The following SLTM variants were observed in gnomAD, a reference collection of about 807,000 sequenced individuals.
The protein encoded by SLTM is SAFB-like transcription modulator.
In SLTM, 43 loss-of-function variants were observed where a neutral mutation model predicts 134.6. That is an observed-to-expected ratio of 0.32 (90% CI 0.25 to 0.41). The LOEUF (loss-of-function observed/expected upper bound fraction) is 0.41, where lower values mean the gene tolerates loss of function less well. SLTM is among the 10% of genes least tolerant of loss of function. The pLI is 1.00. For synonymous variants in SLTM, 424 were observed against 432.3 expected, an observed-to-expected ratio of 0.98 and a Z score of 0.24; for missense variants, 1,055 against 1,288.8, an observed-to-expected ratio of 0.82 and a Z score of 2.78.
At chr15:58,928,276 A>G (rs2037624537) in intron 2 of SLTM, among the ~76,000 whole-genome samples, 1 of 152,192 alleles carries the variant, frequency 6.6e-6, no homozygotes, top group Non-Finnish European at 1.5e-5. Context: ...TTAAATCTAT[A>G]ATCTCTAAAA....
At chr15:58,911,742 G>T (rs749389868) in intron 5 of SLTM, among the ~76,000 whole-genome samples, 2 of 152,150 alleles carry the variant, frequency 1.3e-5, no homozygotes, top group Non-Finnish European at 2.9e-5. Context: ...TACACTATGT[G>T]TATCACATAT....
intron 14 of SLTM, among the ~76,000 whole-genome samples, chr15:58,892,419 T>G (rs1395696722): frequency 6.6e-6 from 1 of 152,190 alleles, no homozygotes; most frequent in Non-Finnish European, 1.5e-5. Context: ...AACAATAAAT[T>G]TTTGCTAAAT....
In SLTM at chr15:58,926,153, T is replaced by A. The variant is rs139422616; in HGVS notation, c.250+6203A>T. ...GGGAGTGAAAGCCTGCTATCTGTAT[T>A]TTTTAAAATTCAAATGACTAACGCA... On this transcript the variant is annotated intron_variant, in intron 2 of 20. Coordinates refer to ENST00000380516, the MANE Select transcript of SLTM (RefSeq NM_024755.4). Among the ~76,000 whole-genome samples, 835 of 152,296 alleles carry A rather than the reference T, an allele frequency of 5.5e-3. 6 individuals are homozygous for A. The highest frequency in any genetic ancestry group is 0.019 in the African/African-American group (801 of 41,554).
Position 58,899,324 on chromosome 15 carries a change from T to C in SLTM, c.1058+145A>G. On this transcript the variant is annotated intron_variant, in intron 7 of 20. Coordinates refer to ENST00000380516, the MANE Select transcript of SLTM (RefSeq NM_024755.4). This position sits in a 1 kb window ranked among gnomAD's most constrained non-coding sequence, Gnocchi z 5.0. The stretch of plus-strand genomic sequence containing the variant: ...TGAAGATCTTGAAAATTTTTAAAAG[T>C]AACTTATGACGGTCAAAAATATTAT... 1.8e-5 allele frequency: 12 copies of C among 671,502 alleles called. No homozygotes were observed. In the South Asian group the frequency reaches 2.5e-4, roughly 14 times the overall value. 41.6% of individuals were successfully genotyped at this position (671,502 alleles called of 1,614,324 possible).
chr15:58,914,480 C>T (rs60836118), intron 3 of SLTM, among the ~76,000 whole-genome samples: 12,114 of 152,160 alleles, frequency 0.08, 579 homozygotes, highest in East Asian at 0.17. Context: ...AAATTTCTAT[C>T]GAGAGGTGGG....
chr15:58,919,932 T>G (rs1341679223), intron 2 of SLTM, among the ~76,000 whole-genome samples: 2 of 152,182 alleles, frequency 1.3e-5, no homozygotes, highest in East Asian at 3.9e-4. Flanking sequence ...AAGCCAGGAT[T>G]TCGTGACCAA....
chr15:58,879,573 TAGAC>T lies in SLTM; in HGVS notation c.*422_*425del, dbSNP rs2033532207. On this transcript the variant is annotated 3_prime_UTR_variant, in exon 21 of 21. Transcript: ENST00000380516. ...ATGAACAATCTTATTCTCTAAAAAT[TAGAC>T]AGCTAAGACTTCTTAAGTGTAGACA... The T allele has an allele frequency of 6.5e-6, 1 of 154,470 alleles. No individual in the cohort carries two copies. The highest frequency in any genetic ancestry group is 1.4e-5 in the Non-Finnish European group (1 of 69,356). The allele number at this position is 154,470 out of a possible 1,614,324, so 9.6% of individuals were successfully genotyped here.
Position 58,932,383 on chromosome 15 carries a change from G to C in SLTM, c.223C>G (p.Pro75Ala), listed in dbSNP as rs753684222. The change falls in exon 2 of 21, where the codon CCA (proline) becomes GCA (alanine). Residue 75 changes from proline to alanine, a missense_variant. This residue lies in a region of SLTM where 268 missense variants were observed against 284.3 expected (regional missense o/e 0.94). Coordinates refer to ENST00000380516, the MANE Select transcript of SLTM (RefSeq NM_024755.4). ...TTGCCTTTAGTTGGTTTCTTGTTTG[G>C]AGTATCAGTTGAAACAGTTAATTCA... ...NIELTVSTDT[P>A]NKKPTKGKGK... 20 of 1,613,272 alleles carry C rather than the reference G, an allele frequency of 1.2e-5. No homozygotes were observed. Among genetic ancestry groups the C allele is most frequent in the Non-Finnish European group, 1.6e-5 (19 of 1,179,436 alleles).
chr15:58,923,153 T>G (rs1458243327), intron 2 of SLTM, among the ~76,000 whole-genome samples: 1 of 151,934 alleles, frequency 6.6e-6, no homozygotes, highest in East Asian at 1.9e-4. Context: ...AGGTCAGAAG[T>G]TCAAGACTAG....
intron 20 of SLTM, 107 bp from the exon 21 acceptor site, chr15:58,880,214 T>G (rs2033585969): frequency 7.0e-7 from 1 of 1,418,814 alleles, no homozygotes; most frequent in Admixed American, 2.4e-5. Flanking sequence ...TCATTTACTC[T>G]TTTCAACAGT....
chr15:58,889,615 C>A lies in SLTM; in HGVS notation c.2080-61G>T. 6 of 1,596,038 alleles carry A rather than the reference C, an allele frequency of 3.8e-6. No individual in the cohort carries two copies. In the South Asian group the frequency reaches 6.8e-5, roughly 18 times the overall value. On this transcript the variant is annotated intron_variant, in intron 15 of 20. Coordinates refer to ENST00000380516, the MANE Select transcript of SLTM (RefSeq NM_024755.4). ...AAAATGAAAACATAAGATAAGTATA[C>A]ATGCAACCTTGTTTTAATCCTGTTG...
Position 58,883,050 on chromosome 15 carries a change from C to A in SLTM, c.2996+576G>T, listed in dbSNP as rs184760809. ...ATTATCTAGACTGAGTGCAGTGGCT[C>A]CCGCCTGTAATCTCAGCACTTTGGG... On this transcript the variant is annotated intron_variant, in intron 20 of 20. Transcript: ENST00000380516. Among the ~76,000 whole-genome samples the A allele has an allele frequency of 1.2e-3, 176 of 152,332 alleles. 1 individual carries two copies. Among genetic ancestry groups the A allele is most frequent in the African/African-American group, 4.0e-3 (168 of 41,572 alleles).
At chr15:58,893,484 T>C (rs1269333592) in intron 12 of SLTM, 120 bp from the exon 13 acceptor site, 13 of 697,360 alleles carry the variant, frequency 1.9e-5, no homozygotes, top group Admixed American at 6.4e-5. Context: ...AAAAACTACT[T>C]ATTCTACAAG....
chr15:58,900,971 G>A (rs954295162), intron 6 of SLTM: 14 of 304,184 alleles, frequency 4.6e-5, no homozygotes, highest in Admixed American at 2.5e-4. Flanking sequence ...TCAACTTACC[G>A]TATACCAGAA....
Position 58,912,582 on chromosome 15 carries a change from TCATCTTCA to T in SLTM, c.534_541del (p.Glu179TyrfsTer9). The T allele has an allele frequency of 6.2e-7, 1 of 1,611,802 alleles. No individual in the cohort carries two copies. The highest frequency in any genetic ancestry group is 8.5e-7 in the Non-Finnish European group (1 of 1,178,770). ...ACTTACTTGGGCTGTTAGAAAGGTA[TCATCTTCA>T]CCTTCTTGAGCTTCAATTTCCTAAG... On this transcript the variant is annotated frameshift_variant, in exon 5 of 21. Coordinates refer to ENST00000380516, the MANE Select transcript of SLTM (RefSeq NM_024755.4). LOFTEE classifies it high-confidence loss of function.
chr15:58,916,304 G>A (rs1179731751), intron 3 of SLTM, among the ~76,000 whole-genome samples: 12 of 151,754 alleles, frequency 7.9e-5, no homozygotes, highest in Non-Finnish European at 1.3e-4. Context: ...CTCTCAAGTA[G>A]TTGGGATTAC....
chr15:58,898,844 T>C lies in SLTM; in HGVS notation c.1067A>G (p.Lys356Arg). 1 of 1,608,480 alleles carries C rather than the reference T, an allele frequency of 6.2e-7. No homozygotes were observed. Among genetic ancestry groups the C allele is most frequent in the East Asian group, 2.2e-5 (1 of 44,650 alleles). Residue 356 changes from lysine to arginine, a missense_variant, in exon 8 of 21, where the codon AAG (lysine) becomes AGG (arginine). Lys to Arg is a conservative substitution (Grantham distance 26, BLOSUM62 2). Around this residue, in one of 3 missense-constraint regions of SLTM, gnomAD observed 776 missense variants for 962.2 expected, o/e 0.81. Coordinates refer to ENST00000380516, the MANE Select transcript of SLTM (RefSeq NM_024755.4). ...TGATGTCTTGCTGTCTTTAGATTCCTTTGAAGAGCTAAAGAGGCAAATCAC... is the reference window on the plus strand; with the variant it reads ...TGATGTCTTGCTGTCTTTAGATTCCCTTGAAGAGCTAAAGAGGCAAATCAC... ...GASGQAKSSS[K>R]ESKDSKTSSK...
chr15:58,912,476 T>C, intron 5 of SLTM, 87 bp downstream of exon 5: 1 of 1,110,144 alleles, frequency 9.0e-7, no homozygotes, highest in Non-Finnish European at 1.4e-6. Context: ...GTTATATGAA[T>C]TAAAGAATTA....
chr15:58,933,526 A>T lies in SLTM; in HGVS notation c.40T>A (p.Ser14Thr). 1 of 1,595,260 alleles carries T rather than the reference A, an allele frequency of 6.3e-7. No homozygotes were observed. Among genetic ancestry groups the T allele is most frequent in the Non-Finnish European group, 8.5e-7 (1 of 1,172,200 alleles). Residue 14 changes from serine to threonine, a missense_variant, in exon 1 of 21, where the codon TCG becomes ACG. By Grantham distance (58) the Ser-to-Thr change is moderately conservative. Coordinates refer to ENST00000380516, the MANE Select transcript of SLTM (RefSeq NM_024755.4). ...ATCTTTTTACCTTCCGCCTGACCCGAGGCGGCCGAGGCTGCCACCGCACCG... is the reference window on the plus strand; with the variant it reads ...ATCTTTTTACCTTCCGCCTGACCCGTGGCGGCCGAGGCTGCCACCGCACCG... Reference protein sequence around the residue: ...ATGAVAASAASGQAEGKKITD... With the variant: ...ATGAVAASAATGQAEGKKITD...
Sources: gnomAD v4.1 joint callset for allele counts (sites outside exome capture counted in the v4.1 genomes callset) on GRCh38, gnomAD v4.1.1 for gene constraint, gnomAD v4.1.1 regional missense constraint, Gnocchi (gnomAD v3.1) non-coding constraint, MANE v1.5 for transcripts, NCBI Gene and HGNC (gene_info 2026-07-23, HGNC 2026-07-21) for gene names.